CSRP1: variants seen among roughly 807,000 people sequenced by gnomAD.
CSRP1 encodes cysteine and glycine rich protein 1, also known as cysteine and glycine-rich protein 1.
A neutral mutation model predicts 25.4 loss-of-function variants in CSRP1; 16 were observed. The ratio of observed to expected loss-of-function variants is 0.63; its 90% CI spans 0.43 to 0.96. The LOEUF is 0.96. Among genes scored for constraint, CSRP1 ranks in the 40% least tolerant of loss-of-function variants. CSRP1 has a pLI of 0.00. For synonymous variants in CSRP1, 97 were observed against 95.3 expected, an observed-to-expected ratio of 1.02 and a Z score of -0.10; for missense variants, 212 against 243.6, an observed-to-expected ratio of 0.87 and a Z score of 0.86.
At chr1:201,490,371 C>T in intron 2 of CSRP1, 27 bp from the exon 3 acceptor site, 1 of 1,609,538 alleles carries the variant, frequency 6.2e-7, no homozygotes, top group Non-Finnish European at 8.5e-7. Context: ...GAAGCGGACG[C>T]ATTGAGTTGA....
intron 2 of CSRP1, among the ~76,000 whole-genome samples, chr1:201,494,858 G>T (rs539127917): frequency 6.6e-6 from 1 of 152,174 alleles, no homozygotes; most frequent in Non-Finnish European, 1.5e-5. Flanking sequence ...ACGTGTGTGC[G>T]CATGTGTGTG....
At chr1:201,498,575 G>A (rs1664577907) in intron 1 of CSRP1, among the ~76,000 whole-genome samples, 1 of 152,204 alleles carries the variant, frequency 6.6e-6, no homozygotes, top group Non-Finnish European at 1.5e-5. Flanking sequence ...AAGGGCAGAG[G>A]GAGATACAGT....
intron 2 of CSRP1, chr1:201,492,451 T>C (rs148398335): frequency 1.8e-4 from 28 of 152,220 alleles, no homozygotes; most frequent in African/African-American, 6.0e-4. Context: ...CCAAAGTCTT[T>C]GTAAGATCCA....
At chr1:201,494,303 A>C (rs1296008761) in intron 2 of CSRP1, among the ~76,000 whole-genome samples, 2 of 152,120 alleles carry the variant, frequency 1.3e-5, no homozygotes, top group Non-Finnish European at 2.9e-5. Flanking sequence ...TCAGTGATTA[A>C]GCAACATCTG....
Position 201,483,811 on chromosome 1 carries a change from T to A in CSRP1, c.*902A>T. 1.9e-6 allele frequency: 1 copy of A among 518,866 alleles called. No homozygotes were observed. Among genetic ancestry groups the A allele is most frequent in the Non-Finnish European group, 3.5e-6 (1 of 285,818 alleles). 32.1% of individuals were successfully genotyped at this position (518,866 alleles called of 1,614,324 possible). On this transcript the variant is annotated 3_prime_UTR_variant, in exon 6 of 6. Coordinates refer to ENST00000340006, the MANE Select transcript of CSRP1 (RefSeq NM_004078.3). Reference sequence around the variant, plus strand: ...GGTCTCAGGGCAAAGGGAAAGGTGTTTGGATGAAGACTGAGGCAGTGCCTA... The same window carrying A: ...GGTCTCAGGGCAAAGGGAAAGGTGTATGGATGAAGACTGAGGCAGTGCCTA...
chr1:201,487,036 T>C, intron 4 of CSRP1: 1 of 1,255,784 alleles, frequency 8.0e-7, no homozygotes, highest in Non-Finnish European at 1.1e-6. Flanking sequence ...ACAACAATAA[T>C]AATAACAATA....
intron 1 of CSRP1, among the ~76,000 whole-genome samples, chr1:201,497,401 C>T (rs1664548145): frequency 6.9e-6 from 1 of 144,840 alleles, no homozygotes; most frequent in Non-Finnish European, 1.5e-5. Context: ...GGTAGGCACA[C>T]AGGGCAGTTA....
At chr1:201,499,555 G>T (rs1267410403) in intron 1 of CSRP1, among the ~76,000 whole-genome samples, 1 of 152,150 alleles carries the variant, frequency 6.6e-6, no homozygotes, top group East Asian at 1.9e-4. Flanking sequence ...ACTCAGCCAT[G>T]GCACCCACAC....
intron 4 of CSRP1, chr1:201,486,911 A>G: frequency 1.6e-6 from 2 of 1,265,304 alleles, no homozygotes; most frequent in South Asian, 2.7e-5. Flanking sequence ...CTATTCTCAT[A>G]ATGAGATAGA....
chr1:201,487,065 C>T, intron 4 of CSRP1: 1 of 1,042,818 alleles, frequency 9.6e-7, no homozygotes, highest in South Asian at 1.4e-5. Flanking sequence ...GTACTGAGGA[C>T]ATACCAGGCA....
chr1:201,487,798 A>G (rs1375630772), intron 4 of CSRP1: 1 of 152,172 alleles, frequency 6.6e-6, no homozygotes, highest in Non-Finnish European at 1.5e-5. Flanking sequence ...AAATTATGTA[A>G]TCCTCCTGAC....
chr1:201,484,650 G>C lies in CSRP1; in HGVS notation c.*63C>G. 4.9e-6 allele frequency: 7 copies of C among 1,443,252 alleles called. No individual in the cohort carries two copies. The South Asian group carries it at 8.4e-5, about 17-fold the overall frequency. The allele number at this position is 1,443,252 out of a possible 1,614,324, so 89.4% of individuals were successfully genotyped here. On this transcript the variant is annotated 3_prime_UTR_variant, in exon 6 of 6. Transcript: ENST00000340006. ...AATAATCCTGGAGGTCTCCAAAGCT[G>C]CTGGGAATGGAATGGCGATGAAAAG... is the stretch of plus-strand genomic sequence containing the variant.
intron 4 of CSRP1, chr1:201,485,762 G>A (rs1324738943): frequency 2.4e-5 from 5 of 210,310 alleles, no homozygotes; most frequent in Non-Finnish European, 4.9e-5. Flanking sequence ...ACTCCTCCTG[G>A]TACTGTCACT....
At chr1:201,505,480 T>C (rs1664799446) in intron 1 of CSRP1, among the ~76,000 whole-genome samples, 1 of 143,282 alleles carries the variant, frequency 7.0e-6, no homozygotes, top group Non-Finnish European at 1.5e-5. Context: ...GCAGAGTTGA[T>C]GGGCCTTCTC....
chr1:201,506,394 C>T (rs3753986), intron 1 of CSRP1, among the ~76,000 whole-genome samples: 88,641 of 152,044 alleles, frequency 0.58, 27,709 homozygotes, highest in Non-Finnish European at 0.71. Context: ...CTAGTCTGTA[C>T]CAGTAGATAC....
chr1:201,491,376 C>T (rs975690785), intron 2 of CSRP1: 1 of 152,212 alleles, frequency 6.6e-6, no homozygotes. Context: ...CAAATCCCAG[C>T]TCTCTCCCTT....
chr1:201,505,882 G>C (rs1248299158), intron 1 of CSRP1, among the ~76,000 whole-genome samples: 1 of 152,234 alleles, frequency 6.6e-6, no homozygotes, highest in Non-Finnish European at 1.5e-5. Flanking sequence ...TGCAGTCTGA[G>C]AGGACAGAGG....
intron 2 of CSRP1, chr1:201,492,410 C>T (rs992089423): frequency 1.3e-5 from 2 of 152,290 alleles, no homozygotes; most frequent in African/African-American, 4.8e-5. Flanking sequence ...TACCTCCATC[C>T]AGGTGATATA....
intron 4 of CSRP1, chr1:201,486,734 C>G (rs1233198572): frequency 9.4e-6 from 10 of 1,066,730 alleles, no homozygotes; most frequent in Non-Finnish European, 1.1e-5. Context: ...AAAAGTACTC[C>G]CAGCTCAACA....
Sources: gnomAD v4.1 joint callset for allele counts (sites outside exome capture counted in the v4.1 genomes callset) on GRCh38, gnomAD v4.1.1 for gene constraint, MANE v1.5 for transcripts, NCBI Gene and HGNC (gene_info 2026-07-23, HGNC 2026-07-21) for gene names.